The following RNF32 variants were observed in gnomAD, a reference collection of about 807,000 sequenced individuals.
RNF32 encodes the protein ring finger protein 32.
Under a neutral mutation model 41.0 loss-of-function variants are expected in RNF32, and 36 were observed. That is an observed-to-expected ratio of 0.88 (90% confidence interval 0.67 to 1.16). RNF32 has a LOEUF of 1.16. RNF32 is among the 50% of genes most tolerant of loss of function. RNF32 has a pLI of 0.00. For synonymous variants in RNF32, 154 were observed against 160.9 expected, an observed-to-expected ratio of 0.96 and a Z score of 0.32; for missense variants, 413 against 436.7, an observed-to-expected ratio of 0.95 and a Z score of 0.48.
At position 156,655,231 on chromosome 7, in the gene RNF32, A is replaced by ATG. The variant is rs1799424212; in HGVS notation, c.417+513_417+514insTG. On this transcript the variant is annotated intron_variant, in intron 4 of 8. Transcript: ENST00000317955. ...TACTCTGGGTTAACAGATAATATAC[A>ATG]CGCGCGCGCACACACACACACACAC... Among the ~76,000 whole-genome samples the ATG allele has an allele frequency of 1.1e-4, 17 of 148,606 alleles. 1 individual carries two copies. The South Asian group carries it at 2.4e-3, about 21-fold the overall frequency.
In RNF32 at chr7:156,654,682, C is replaced by A; in HGVS notation, c.381C>A (p.Cys127Ter). The change falls in exon 4 of 9, where the codon TGC becomes TGA. Residue 127 changes from cysteine (C) to a stop codon, truncating the protein, a stop_gained. Transcript: ENST00000317955. LOFTEE classifies it high-confidence loss of function. The stretch of plus-strand genomic sequence containing the variant: ...TGCAAGGGGACTCCGTGCAACCATG[C>A]CCCATCTGTAAAGAAGAATTCGAGC... ...SLLQGDSVQP[C>*]PICKEEFELR... The A allele has an allele frequency of 6.2e-7, 1 of 1,614,110 alleles. No homozygotes were observed. Among genetic ancestry groups the A allele is most frequent in the Non-Finnish European group, 8.5e-7 (1 of 1,179,976 alleles).
chr7:156,650,446 G>A (rs566136185), intron 3 of RNF32, among the ~76,000 whole-genome samples: 6 of 152,200 alleles, frequency 3.9e-5, no homozygotes, highest in South Asian at 2.1e-4. Context: ...TTCCACTGAC[G>A]CGCAGTGGGG....
intron 7 of RNF32, among the ~76,000 whole-genome samples, chr7:156,672,749 CACTT>C (rs1258197452): frequency 6.6e-6 from 1 of 152,218 alleles, no homozygotes; most frequent in Non-Finnish European, 1.5e-5. Flanking sequence ...GTGGCCCGCA[CACTT>C]ACTCTGTTCC....
chr7:156,641,803 T>C (rs577016383), intron 1 of RNF32, among the ~76,000 whole-genome samples: 2 of 152,334 alleles, frequency 1.3e-5, no homozygotes, highest in Non-Finnish European at 2.9e-5. Context: ...GATCTTTCAG[T>C]ATTTTAAATT....
chr7:156,645,339 T>A (rs890398007), intron 3 of RNF32, among the ~76,000 whole-genome samples: 1 of 152,238 alleles, frequency 6.6e-6, no homozygotes, highest in Non-Finnish European at 1.5e-5. Flanking sequence ...GCCAGCATCA[T>A]GTGTCTCCTG....
Position 156,658,243 on chromosome 7 carries a change from G to A in RNF32, c.566G>A (p.Cys189Tyr), listed in dbSNP as rs930856234. The A allele has an allele frequency of 2.5e-6, 4 of 1,613,926 alleles. No individual in the cohort carries two copies. Among genetic ancestry groups the A allele is most frequent in the Non-Finnish European group, 8.5e-7 (1 of 1,180,012 alleles). ...GGGGCCCGCCTGTTCAGAATCAAGT[G>A]TGTGACCAGGTGAGGACGCCAGGCC... is the stretch of plus-strand genomic sequence containing the variant. Reference protein sequence around the residue: ...HDGARLFRIKCVTRIQAYWRG... With the variant: ...HDGARLFRIKYVTRIQAYWRG... Residue 189 changes from cysteine (C) to tyrosine (Y), a missense_variant, in exon 6 of 9, where the codon TGT (cysteine) becomes TAT (tyrosine). Physicochemically the swap from Cys to Tyr is radical, Grantham distance 194. Transcript: ENST00000317955.
At chr7:156,649,034 C>T (rs558621629) in intron 3 of RNF32, among the ~76,000 whole-genome samples, 65 of 152,224 alleles carry the variant, frequency 4.3e-4, no homozygotes, top group Non-Finnish European at 6.9e-4. Flanking sequence ...GGAAAATCGA[C>T]GAGATTAAAG....
At chr7:156,664,173 T>C (rs978302186) in intron 7 of RNF32, among the ~76,000 whole-genome samples, 6 of 152,154 alleles carry the variant, frequency 3.9e-5, no homozygotes, top group South Asian at 2.1e-4. Flanking sequence ...TAGAAAAACA[T>C]TGCAAGGGCC....
rs1240163997 is a variant in RNF32, at chr7:156,675,736, C to T, written c.725C>T (p.Thr242Ile). ...ISHRILCSYN[T>I]NIEELFAEID... ...CACCGCATCCTGTGCTCATACAACA[C>T]CAACATTGAAGAGCTCTTTGCAGAA... Residue 242 changes from threonine to isoleucine, a missense_variant, in exon 8 of 9, where the codon ACC (threonine) becomes ATC (isoleucine). Thr to Ile is a moderately conservative substitution (Grantham distance 89). Coordinates refer to ENST00000317955, the MANE Select transcript of RNF32 (RefSeq NM_030936.4). The T allele has an allele frequency of 6.2e-7, 1 of 1,613,818 alleles. No individual in the cohort carries two copies. The highest frequency in any genetic ancestry group is 1.7e-5 in the Admixed American group (1 of 59,998).
intron 3 of RNF32, among the ~76,000 whole-genome samples, chr7:156,647,412 T>C (rs968896471): frequency 6.6e-6 from 1 of 151,986 alleles, no homozygotes; most frequent in African/African-American, 2.4e-5. Context: ...TGCATACTCG[T>C]ATCTTAGCTT....
In RNF32 at chr7:156,653,556, C is replaced by T. The variant is rs78528394; in HGVS notation, c.275-1020C>T. On this transcript the variant is annotated intron_variant, in intron 3 of 8. Transcript: ENST00000317955. ...TTCATAGTTTTCTGTCATGTTTTGT[C>T]GATGTAACATTTTGTCTTCCATTTC... Among the ~76,000 whole-genome samples, 1,385 of 152,232 alleles carry T rather than the reference C, an allele frequency of 9.1e-3. 25 individuals are homozygous for T. Among genetic ancestry groups the T allele is most frequent in the African/African-American group, 0.032 (1,331 of 41,526 alleles).
chr7:156,676,266 TA>T (rs1349796120), intron 8 of RNF32, 152 bp from the exon 9 acceptor site: 1 of 1,549,040 alleles, frequency 6.5e-7, no homozygotes, highest in African/African-American at 1.4e-5. Context: ...TGTATATATA[TA>T]AATAAAATGC....
At chr7:156,660,025 C>A in intron 7 of RNF32, 1 of 985,598 alleles carries the variant, frequency 1.0e-6, no homozygotes, top group Non-Finnish European at 1.2e-6. Context: ...GGGTCCGCTG[C>A]CCTGTGGCCA....
chr7:156,647,354 C>G (rs1266335765), intron 3 of RNF32, among the ~76,000 whole-genome samples: 1 of 152,126 alleles, frequency 6.6e-6, no homozygotes, highest in Non-Finnish European at 1.5e-5. Flanking sequence ...CCCTCCCACC[C>G]TCCGCCTCCT....
intron 2 of RNF32, 114 bp from the exon 3 acceptor site, chr7:156,644,385 A>T: frequency 1.3e-6 from 1 of 780,780 alleles, no homozygotes; most frequent in Non-Finnish European, 2.2e-6. Context: ...AGCATTCCTT[A>T]CTATTTGATT....
Position 156,644,356 on chromosome 7 carries a change from C to T in RNF32, c.16-143C>T, listed in dbSNP as rs139337121. On this transcript the variant is annotated intron_variant, in intron 2 of 8. Coordinates refer to ENST00000317955, the MANE Select transcript of RNF32 (RefSeq NM_030936.4). ...ATGCTGAGACAAGGGTCTGCTCCTA[C>T]TTAGGTAACAATGAGTCAAGCATTC... 300 of 674,768 alleles carry T rather than the reference C, an allele frequency of 4.4e-4. No individual in the cohort carries two copies. In the African/African-American group the frequency reaches 4.8e-3, roughly 11 times the overall value. The allele number at this position is 674,768 out of a possible 1,614,324, so 41.8% of individuals were successfully genotyped here.
Position 156,677,002 on chromosome 7 carries a change from C to CA in RNF32, c.*350dup, listed in dbSNP as rs1804184457. ...CAAATGTAAAACACTCCTTAAGTTC[C>CA]AAATGTTTTCCGCTAATAGTCTGTC... On this transcript the variant is annotated 3_prime_UTR_variant, in exon 9 of 9. Coordinates refer to ENST00000317955, the MANE Select transcript of RNF32 (RefSeq NM_030936.4). 4.7e-6 allele frequency: 1 copy of CA among 213,440 alleles called. No individual in the cohort carries two copies. Among genetic ancestry groups the CA allele is most frequent in the Admixed American group, 5.1e-5 (1 of 19,476 alleles). The allele number at this position is 213,440 out of a possible 1,614,324, so 13.2% of individuals were successfully genotyped here.
upstream of RNF32, chr7:156,640,545 G>C (rs994393086): frequency 1.6e-5 from 6 of 384,058 alleles, no homozygotes; most frequent in South Asian, 3.8e-5. Context: ...CCTGCGTCTA[G>C]ACGCTGACGC....
At chr7:156,676,235 A>G (rs1667962177) in intron 8 of RNF32, 184 bp from the exon 9 acceptor site, 14 of 1,441,218 alleles carry the variant, frequency 9.7e-6, no homozygotes, top group Admixed American at 2.2e-5. Flanking sequence ...GTAACAGAGT[A>G]TATGTGTGTG....
Sources: allele counts gnomAD v4.1 joint callset (sites outside exome capture counted in the v4.1 genomes callset), GRCh38; gene constraint gnomAD v4.1.1; transcripts MANE v1.5; gene names NCBI Gene and HGNC (gene_info 2026-07-23, HGNC 2026-07-21).